Variants in AGBL1 observed in about 807,000 individuals in gnomAD.
The protein encoded by AGBL1 is AGBL carboxypeptidase 1, also known as cytosolic carboxypeptidase 4.
Under a neutral mutation model 118.9 loss-of-function variants are expected in AGBL1, and 130 were observed. The observed-to-expected ratio is 1.09, with a 90% CI of 0.95 to 1.26. The LOEUF is 1.26. Among genes scored for constraint, AGBL1 ranks in the 50% most tolerant of loss-of-function variants. The probability of loss-of-function intolerance (pLI) is 0.00; values close to 1 mark genes in which losing one functional copy is unlikely to be tolerated. For synonymous variants in AGBL1, 555 were observed against 478.9 expected (o/e 1.16, Z -2.08); for missense variants, 1,584 against 1,298.1 (o/e 1.22, Z -3.38).
chr15:86,744,911 G>T (rs1284239350), intron 22 of AGBL1, among the ~76,000 whole-genome samples: 4 of 152,158 alleles, frequency 2.6e-5, no homozygotes, highest in Non-Finnish European at 4.4e-5. Flanking sequence ...GATCTGCGGA[G>T]CAGCTCTATC....
chr15:86,203,454 T>C (rs185188593), intron 5 of AGBL1, among the ~76,000 whole-genome samples: 1 of 152,368 alleles, frequency 6.6e-6, no homozygotes, highest in Admixed American at 6.5e-5. Context: ...TGTTTGTCTT[T>C]ATAAATACAC....
chr15:86,832,476 T>G (rs2141417929), intron 22 of AGBL1, among the ~76,000 whole-genome samples: 1 of 152,360 alleles, frequency 6.6e-6, no homozygotes, highest in South Asian at 2.1e-4. Flanking sequence ...AATGCTTTGC[T>G]GCTTAGAAAT....
chr15:86,294,978 T>TA (rs948287284), intron 16 of AGBL1, among the ~76,000 whole-genome samples: 2 of 152,180 alleles, frequency 1.3e-5, no homozygotes, highest in Non-Finnish European at 2.9e-5. Context: ...AAGAGGGCTT[T>TA]ATGCCCCTGC....
intron 5 of AGBL1, among the ~76,000 whole-genome samples, chr15:86,171,794 T>C (rs1318262043): frequency 2.0e-5 from 3 of 152,242 alleles, no homozygotes; most frequent in Middle Eastern, 3.4e-3. Flanking sequence ...CCAGCCCAAA[T>C]GCCCACCAAT....
chr15:86,748,954 G>C (rs2077803258), intron 22 of AGBL1, among the ~76,000 whole-genome samples: 1 of 152,054 alleles, frequency 6.6e-6, no homozygotes, highest in East Asian at 1.9e-4. Flanking sequence ...GGTGCCTCCA[G>C]CTTTGTTCTT....
intron 19 of AGBL1, among the ~76,000 whole-genome samples, chr15:86,539,245 G>A (rs182900402): frequency 6.6e-6 from 1 of 152,318 alleles, no homozygotes; most frequent in Non-Finnish European, 1.5e-5. Flanking sequence ...TGCCTTTGCG[G>A]AAAGGCACAA....
intron 18 of AGBL1, among the ~76,000 whole-genome samples, chr15:86,428,401 G>A (rs4513061): frequency 0.27 from 41,283 of 152,058 alleles, 6,378 homozygotes; most frequent in East Asian, 0.62. Context: ...AGGGAAGGCA[G>A]ATACACATCT....
chr15:86,582,397 A>G lies in AGBL1; in HGVS notation c.2994+27860A>G, dbSNP rs549709756. Among the ~76,000 whole-genome samples, 4 of 152,244 alleles carry G rather than the reference A, an allele frequency of 2.6e-5. No individual in the cohort carries two copies. The South Asian group carries it at 6.2e-4, about 24-fold the overall frequency. On this transcript the variant is annotated intron_variant, in intron 21 of 22. Transcript: ENST00000614907. ...TTCCTGAAGTTTAAAAGTTATTTAC[A>G]CTGTTGGTGGGGCTATAAACACAAT...
intron 21 of AGBL1, among the ~76,000 whole-genome samples, chr15:86,566,498 C>A (rs1341248359): frequency 6.6e-6 from 1 of 152,104 alleles, no homozygotes; most frequent in Non-Finnish European, 1.5e-5. Context: ...GAATAAGGAG[C>A]AGAGTAGATC....
At chr15:86,726,308 A>C (rs1037022379) in intron 22 of AGBL1, among the ~76,000 whole-genome samples, 1 of 152,186 alleles carries the variant, frequency 6.6e-6, no homozygotes, top group African/African-American at 2.4e-5. Context: ...CTTTAGCAAC[A>C]AGAAAGTCAG....
chr15:86,154,678 C>T, intron 4 of AGBL1, 117 bp downstream of exon 4: 2 of 1,248,600 alleles, frequency 1.6e-6, no homozygotes, highest in Non-Finnish European at 2.1e-6. Context: ...ACATGGTGGT[C>T]CCAGCCAGAT....
At chr15:86,770,929 C>G (rs943805414) in intron 22 of AGBL1, among the ~76,000 whole-genome samples, 2 of 152,056 alleles carry the variant, frequency 1.3e-5, no homozygotes, top group Admixed American at 6.6e-5. Context: ...CTCAGCTACA[C>G]TCATAGTTAG....
chr15:86,682,525 A>G (rs984149270), intron 22 of AGBL1, among the ~76,000 whole-genome samples: 4 of 152,124 alleles, frequency 2.6e-5, no homozygotes, highest in Non-Finnish European at 4.4e-5. Context: ...CTGGAGAGCA[A>G]TTTGGCAGTT....
At chr15:86,364,263 A>C (rs2141927622) in intron 17 of AGBL1, among the ~76,000 whole-genome samples, 1 of 152,338 alleles carries the variant, frequency 6.6e-6, no homozygotes, top group East Asian at 1.9e-4. Flanking sequence ...AACAGCCATT[A>C]ATAATAGTGA....
At chr15:86,731,824 T>C (rs2077531236) in intron 22 of AGBL1, among the ~76,000 whole-genome samples, 1 of 152,140 alleles carries the variant, frequency 6.6e-6, no homozygotes, top group Non-Finnish European at 1.5e-5. Context: ...AGCCAGAAAC[T>C]GGGGTGTCTT....
chr15:86,424,743 A>T (rs1449753256), intron 18 of AGBL1, among the ~76,000 whole-genome samples: 1 of 152,200 alleles, frequency 6.6e-6, no homozygotes, highest in African/African-American at 2.4e-5. Flanking sequence ...GTGAATAGAA[A>T]TTTTTCAAAG....
At chr15:86,129,047 G>T (rs550245970) in intron 1 of AGBL1, among the ~76,000 whole-genome samples, 11 of 152,096 alleles carry the variant, frequency 7.2e-5, no homozygotes, top group African/African-American at 2.4e-4. Context: ...AGTCTTTATC[G>T]CCTGGAATGT....
intron 5 of AGBL1, among the ~76,000 whole-genome samples, chr15:86,189,970 T>C (rs988381739): frequency 6.6e-6 from 1 of 152,260 alleles, no homozygotes. Context: ...ATTTGCTATA[T>C]AGTTTTGCCT....
chr15:86,438,063 G>A (rs2082019825), intron 18 of AGBL1, among the ~76,000 whole-genome samples: 2 of 151,950 alleles, frequency 1.3e-5, no homozygotes, highest in Admixed American at 1.3e-4. Context: ...GTGCCACCAT[G>A]CCCAACTAAT....
Sources: allele counts gnomAD v4.1 joint callset (sites outside exome capture counted in the v4.1 genomes callset), GRCh38; gene constraint gnomAD v4.1.1; transcripts MANE v1.5; gene names NCBI Gene and HGNC (gene_info 2026-07-23, HGNC 2026-07-21).